PCDHAC1: variants seen among roughly 807,000 people sequenced by gnomAD.
PCDHAC1 encodes protocadherin alpha subfamily C, 1.
PCDHAC1 carries 42 observed loss-of-function variants against 60.0 expected under a neutral mutation model. The observed-to-expected ratio is 0.70, with a 90% confidence interval of 0.55 to 0.90. The LOEUF is 0.90. Ranked by LOEUF, PCDHAC1 falls within the 40% of genes least tolerant of loss-of-function variation. PCDHAC1 has a pLI of 0.00. For missense variants in PCDHAC1, 1,160 were observed against 1,222.3 expected (o/e 0.95, Z 0.76); for synonymous variants, 468 against 499.3 (o/e 0.94, Z 0.84).
At chr5:140,969,037 C>A (rs1554231375) in intron 1 of PCDHAC1, 6 of 1,614,158 alleles carry the variant, frequency 3.7e-6, no homozygotes, top group Non-Finnish European at 5.1e-6. Flanking sequence ...CAGAACTGTA[C>A]AAACAAGCCA....
rs1230665699 is a variant in PCDHAC1, at chr5:140,926,783, C to T, written c.-110C>T. ...GTATCCAGCCCGCAGCAGTGACGGCCGGCAGGAGCGTGCTCTTCCCCGCGG... is the reference window on the plus strand; with the variant it reads ...GTATCCAGCCCGCAGCAGTGACGGCTGGCAGGAGCGTGCTCTTCCCCGCGG... On this transcript the variant is annotated 5_prime_UTR_variant, in exon 1 of 4. Coordinates refer to ENST00000253807, the MANE Select transcript of PCDHAC1 (RefSeq NM_018898.5). The T allele has an allele frequency of 1.4e-6, 2 of 1,410,186 alleles. No individual in the cohort carries two copies. Among genetic ancestry groups the T allele is most frequent in the Non-Finnish European group, 1.8e-6 (2 of 1,081,710 alleles). 87.4% of individuals were successfully genotyped at this position (1,410,186 alleles called of 1,614,324 possible). A position where few individuals can be genotyped will look rare whatever the true frequency, so the allele number is the denominator to read the frequency against.
chr5:141,005,701 C>CAAAA (rs59860837), intron 3 of PCDHAC1, among the ~76,000 whole-genome samples: 118 of 7,756 alleles, frequency 0.015, 2 homozygotes, highest in East Asian at 0.044. Flanking sequence ...AACTCCGTCT[C>CAAAA]AAAAAAAAAA....
intron 1 of PCDHAC1, chr5:140,967,968 G>A: frequency 3.1e-6 from 5 of 1,614,218 alleles, no homozygotes; most frequent in Non-Finnish European, 4.2e-6. Flanking sequence ...CGGAAAGTGA[G>A]CCTGGGTCTG....
rs915171063 is a variant in PCDHAC1 at position 140,977,108 on chromosome 5, T to C, written c.2434-1841T>C. On this transcript the variant is annotated intron_variant, in intron 1 of 3. Transcript: ENST00000253807. ...AAATGTGTCATTGGGGAAGTGAGAT[T>C]GTATAATGAACTGAGTTTCCTGGTC... 6.6e-5 allele frequency among the ~76,000 whole-genome samples: 10 copies of C among 152,302 alleles called. No homozygotes were observed. The East Asian group carries it at 1.9e-3, about 29-fold the overall frequency.
Position 140,928,358 on chromosome 5 carries a change from CT to C in PCDHAC1, c.1467del (p.Glu490LysfsTer36), listed in dbSNP as rs782782118. 3.7e-6 allele frequency: 6 copies of C among 1,614,178 alleles called. No homozygotes were observed. In the Admixed American group the frequency reaches 1.0e-4, roughly 27 times the overall value. ...TCTTATGAGCTGTTGGATGTTATCT[CT>C]GAAGGGCCATCAGCCTCTAGCTTGC... ...LVSYELLDVI[S>X]EGPSASSLLA... On this transcript the variant is annotated frameshift_variant, in exon 1 of 4. Coordinates refer to ENST00000253807, the MANE Select transcript of PCDHAC1 (RefSeq NM_018898.5). LOFTEE classifies it high-confidence loss of function.
intron 1 of PCDHAC1, chr5:140,930,518 T>G (rs782236970): frequency 3.3e-5 from 5 of 152,592 alleles, no homozygotes; most frequent in Non-Finnish European, 5.9e-5. Flanking sequence ...CCACTGCAGC[T>G]GGCCCTCAAA....
chr5:140,927,071 G>A lies in PCDHAC1; in HGVS notation c.179G>A (p.Ser60Asn). 3 of 1,611,088 alleles carry A rather than the reference G, an allele frequency of 1.9e-6. No homozygotes were observed. The highest frequency in any genetic ancestry group is 2.5e-6 in the Non-Finnish European group (3 of 1,177,862). The change falls in exon 1 of 4, where the codon AGC becomes AAC. Residue 60 changes from serine (S) to asparagine (N), a missense_variant. Around this residue, in one of 3 missense-constraint regions of PCDHAC1, gnomAD observed 1,113 missense variants for 1,163.7 expected, o/e 0.96. Transcript: ENST00000253807. ...TCGCGGAACTTTCGCTTCCTTTCCAGCCACCGCGAGCTCTACTTCGGGGTG... is the reference window on the plus strand; with the variant it reads ...TCGCGGAACTTTCGCTTCCTTTCCAACCACCGCGAGCTCTACTTCGGGGTG... ...MSSRNFRFLS[S>N]HRELYFGVDL...
chr5:141,010,869 A>T lies in PCDHAC1; in HGVS notation c.*932A>T, dbSNP rs1434984330. The T allele has an allele frequency of 1.3e-5, 2 of 153,786 alleles. No individual in the cohort carries two copies. Among genetic ancestry groups the T allele is most frequent in the African/African-American group, 4.8e-5 (2 of 41,464 alleles). The allele number at this position is 153,786 out of a possible 1,614,324, so 9.5% of individuals were successfully genotyped here. On this transcript the variant is annotated 3_prime_UTR_variant, in exon 4 of 4. Coordinates refer to ENST00000253807, the MANE Select transcript of PCDHAC1 (RefSeq NM_018898.5). Reference sequence around the variant, plus strand: ...AAAAAAAGAGAAAGTCTATAGCTATAAATCTTTAAAGAGAAATATGAATAC... The same window carrying T: ...AAAAAAAGAGAAAGTCTATAGCTATTAATCTTTAAAGAGAAATATGAATAC...
chr5:140,974,577 T>C (rs2096632640), intron 1 of PCDHAC1, among the ~76,000 whole-genome samples: 1 of 152,200 alleles, frequency 6.6e-6, no homozygotes, highest in South Asian at 2.1e-4. Flanking sequence ...AATGGCATGA[T>C]CTTGGCTCAC....
intron 3 of PCDHAC1, among the ~76,000 whole-genome samples, chr5:140,991,619 A>G (rs1554252338): frequency 1.3e-5 from 2 of 152,206 alleles, no homozygotes; most frequent in African/African-American, 4.8e-5. Context: ...CTTTAATGCC[A>G]TATTTGTAAT....
At chr5:140,943,019 G>A (rs1554215345) in intron 1 of PCDHAC1, among the ~76,000 whole-genome samples, 1 of 152,068 alleles carries the variant, frequency 6.6e-6, no homozygotes, top group Non-Finnish European at 1.5e-5. Flanking sequence ...CACTTTGGGA[G>A]GCTGAGGTGG....
intron 3 of PCDHAC1, among the ~76,000 whole-genome samples, chr5:140,992,543 T>G (rs1226407687): frequency 6.6e-6 from 1 of 152,186 alleles, no homozygotes; most frequent in African/African-American, 2.4e-5. Flanking sequence ...CTGTCACAAG[T>G]GATGCCAGGA....
intron 1 of PCDHAC1, among the ~76,000 whole-genome samples, chr5:140,941,011 C>T (rs1554213684): frequency 6.6e-6 from 1 of 152,124 alleles, no homozygotes; most frequent in African/African-American, 2.4e-5. Context: ...TTTTCCTTTC[C>T]TATTTTCCTT....
At chr5:140,984,788 T>C (rs2097121100) in intron 3 of PCDHAC1, among the ~76,000 whole-genome samples, 1 of 152,292 alleles carries the variant, frequency 6.6e-6, no homozygotes, top group Non-Finnish European at 1.5e-5. Context: ...TGGGTGAGCA[T>C]AGACAAACTG....
At position 140,926,828 on chromosome 5, in the gene PCDHAC1, C is replaced by T. The variant is rs2083578925; in HGVS notation, c.-65C>T. ...CCGCGGCTCGTGCTCTCCAGGAGTCCGGAGCATGGTCCTGGGTCACCGTTG... is the reference window on the plus strand; with the variant it reads ...CCGCGGCTCGTGCTCTCCAGGAGTCTGGAGCATGGTCCTGGGTCACCGTTG... On this transcript the variant is annotated 5_prime_UTR_variant, in exon 1 of 4. Transcript: ENST00000253807. 6.7e-7 allele frequency: 1 copy of T among 1,501,376 alleles called. No homozygotes were observed. Among genetic ancestry groups the T allele is most frequent in the African/African-American group, 1.4e-5 (1 of 71,466 alleles). 93.0% of individuals were successfully genotyped at this position (1,501,376 alleles called of 1,614,324 possible).
intron 3 of PCDHAC1, among the ~76,000 whole-genome samples, chr5:140,983,358 T>C (rs1374842008): frequency 6.6e-6 from 1 of 152,224 alleles, no homozygotes; most frequent in Non-Finnish European, 1.5e-5. Context: ...GTAATAGAAA[T>C]ATGGCTTTGG....
chr5:140,966,691 G>A, intron 1 of PCDHAC1: 3 of 1,349,440 alleles, frequency 2.2e-6, no homozygotes, highest in Non-Finnish European at 1.9e-6. Context: ...GCGGAGGCGG[G>A]GCCCGGGCGT....
chr5:140,928,123 T>C lies in PCDHAC1; in HGVS notation c.1231T>C (p.Tyr411His). The change falls in exon 1 of 4, where the codon TAC becomes CAC. Residue 411 changes from tyrosine to histidine, a missense_variant. Transcript: ENST00000253807. Reference protein sequence around the residue: ...GPLDREQISEYQVLITASDSG... With the variant: ...GPLDREQISEHQVLITASDSG... ...CCTGGACCGGGAGCAGATCAGTGAA[T>C]ACCAAGTCCTGATCACGGCCTCAGA... The C allele has an allele frequency of 6.2e-7, 1 of 1,614,200 alleles. No individual in the cohort carries two copies. The highest frequency in any genetic ancestry group is 8.5e-7 in the Non-Finnish European group (1 of 1,180,036).
At chr5:140,957,029 T>G (rs782472701) in intron 1 of PCDHAC1, among the ~76,000 whole-genome samples, 4 of 152,190 alleles carry the variant, frequency 2.6e-5, no homozygotes, top group African/African-American at 4.8e-5. Flanking sequence ...TTTAGATATT[T>G]ATGGGAGTCA....
Sources: allele counts gnomAD v4.1 joint callset (sites outside exome capture counted in the v4.1 genomes callset), GRCh38; gene constraint gnomAD v4.1.1; regional missense constraint gnomAD v4.1.1; transcripts MANE v1.5; gene names NCBI Gene and HGNC (gene_info 2026-07-23, HGNC 2026-07-21).